The following CRYBB3 variants were observed in gnomAD, a reference collection of about 807,000 sequenced individuals.
CRYBB3 encodes the protein crystallin beta B3.
CRYBB3 carries 35 observed loss-of-function variants against 28.3 expected under a neutral mutation model. That is an observed-to-expected ratio of 1.24 (90% CI 0.95 to 1.64). The LOEUF (loss-of-function observed/expected upper bound fraction) is 1.64, where lower values mean the gene tolerates loss of function less well. Among genes scored for constraint, CRYBB3 ranks in the 40% most tolerant of loss-of-function variants. The pLI, the probability that CRYBB3 is intolerant of heterozygous loss-of-function variation, is 0.00. For missense variants in CRYBB3, 296 were observed against 297.4 expected (o/e 1.00, Z 0.04); for synonymous variants, 106 against 110.4 (o/e 0.96, Z 0.25).
At chr22:25,202,497 C>T (rs1934965032) in intron 2 of CRYBB3, among the ~76,000 whole-genome samples, 177 bp from the exon 3 acceptor site, 1 of 152,178 alleles carries the variant, frequency 6.6e-6, no homozygotes, top group Non-Finnish European at 1.5e-5. Flanking sequence ...CATTGAAGTT[C>T]CTGAAGGCGT....
In CRYBB3 at chr22:25,203,820, G is replaced by T; in HGVS notation, c.252G>T (p.Gly84=). 4 of 1,614,192 alleles carry T rather than the reference G, an allele frequency of 2.5e-6. No individual in the cohort carries two copies. The highest frequency in any genetic ancestry group is 3.4e-6 in the Non-Finnish European group (4 of 1,180,032). Residue 84 remains glycine (G), a synonymous_variant, in exon 4 of 6, where the codon GGG becomes GGT. Transcript: ENST00000215855. The part of the protein sequence containing the change: ...FRGEQFVLEK[G]DYPRWDAWSN... ...GGGAGCAGTTTGTTCTGGAGAAGGG[G>T]GATTATCCTCGCTGGGATGCCTGGT...
At chr22:25,205,155 T>TG in intron 4 of CRYBB3, 65 bp from the exon 5 acceptor site, 5 of 1,607,116 alleles carry the variant, frequency 3.1e-6, no homozygotes, top group Non-Finnish European at 4.3e-6. Flanking sequence ...TTCCGGCATC[T>TG]GGAGCCTCCT....
rs1935014791 is a variant in CRYBB3 at position 25,205,337 on chromosome 22, G to A, written c.445G>A (p.Ala149Thr). 1 of 1,614,050 alleles carries A rather than the reference G, an allele frequency of 6.2e-7. No individual in the cohort carries two copies. The highest frequency in any genetic ancestry group is 1.3e-5 in the African/African-American group (1 of 74,918). ...LWAHGFQDRV[A>T]SVRAINGTWV... ...GGCTCATGGCTTCCAGGACCGTGTG[G>A]CGAGTGTCCGTGCCATCAACGGGAC... The change falls in exon 5 of 6, where the codon GCG becomes ACG. Residue 149 changes from alanine (A) to threonine (T), a missense_variant. By Grantham distance (58) the Ala-to-Thr change is moderately conservative. Coordinates refer to ENST00000215855, the MANE Select transcript of CRYBB3 (RefSeq NM_004076.5).
At chr22:25,206,024 G>A (rs933365599) in intron 5 of CRYBB3, among the ~76,000 whole-genome samples, 9 of 152,056 alleles carry the variant, frequency 5.9e-5, no homozygotes, top group African/African-American at 1.7e-4. Context: ...AGGAGAGCAG[G>A]CTTATCACCT....
chr22:25,201,362 T>A lies in CRYBB3; in HGVS notation c.-20-15T>A, dbSNP rs757004750. On this transcript the variant is annotated splice_polypyrimidine_tract_variant and intron_variant, in intron 1 of 5. Coordinates refer to ENST00000215855, the MANE Select transcript of CRYBB3 (RefSeq NM_004076.5). ...CCCGGGTGGATCCAGTGAACCATTTTCTTTTGGTTTGAAGCCAGAGGTGTT... is the reference window on the plus strand; with the variant it reads ...CCCGGGTGGATCCAGTGAACCATTTACTTTTGGTTTGAAGCCAGAGGTGTT... The A allele has an allele frequency of 6.2e-7, 1 of 1,612,016 alleles. No homozygotes were observed. Among genetic ancestry groups the A allele is most frequent in the Non-Finnish European group, 8.5e-7 (1 of 1,178,690 alleles).
At position 25,205,236 on chromosome 22, in the gene CRYBB3, A is replaced by G; in HGVS notation, c.344A>G (p.Lys115Arg). The G allele has an allele frequency of 1.1e-5, 18 of 1,614,012 alleles. No homozygotes were observed. The highest frequency in any genetic ancestry group is 1.5e-5 in the Non-Finnish European group (18 of 1,179,964). The change falls in exon 5 of 6, where the codon AAG becomes AGG. Residue 115 changes from lysine to arginine, a missense_variant. Physicochemically the swap from Lys to Arg is conservative, Grantham distance 26. Transcript: ENST00000215855. ...RPLNIDSPHHKLHLFENPAFS... is the reference protein window; with the variant it reads ...RPLNIDSPHHRLHLFENPAFS... ...TGCCCTCAGGATAGTCCACATCACAAGCTGCATCTGTTTGAGAACCCAGCT... is the reference window on the plus strand; with the variant it reads ...TGCCCTCAGGATAGTCCACATCACAGGCTGCATCTGTTTGAGAACCCAGCT...
In CRYBB3 at chr22:25,200,836, G is replaced by A. The variant is rs1458178962; in HGVS notation, c.-20-541G>A. 3.9e-5 allele frequency among the ~76,000 whole-genome samples: 6 copies of A among 152,110 alleles called. No individual in the cohort carries two copies. In the East Asian group the frequency reaches 1.2e-3, roughly 29 times the overall value. ...TGTCTGTCCACCTCCCGACATATGG[G>A]GTCTCCTGTCCCTCCTGGTCACCCA... On this transcript the variant is annotated intron_variant, in intron 1 of 5. Coordinates refer to ENST00000215855, the MANE Select transcript of CRYBB3 (RefSeq NM_004076.5).
intron 4 of CRYBB3, among the ~76,000 whole-genome samples, chr22:25,204,592 A>G (rs1934999083): frequency 6.6e-6 from 1 of 152,038 alleles, no homozygotes; most frequent in African/African-American, 2.4e-5. Flanking sequence ...TAATTTTTGT[A>G]TTTTTAGTAG....
At chr22:25,206,182 T>C (rs1161540654) in intron 5 of CRYBB3, among the ~76,000 whole-genome samples, 1 of 152,174 alleles carries the variant, frequency 6.6e-6, no homozygotes, top group Non-Finnish European at 1.5e-5. Context: ...TTCAACAATT[T>C]TTTACTGAAC....
At position 25,207,118 on chromosome 22, in the gene CRYBB3, G is replaced by A; in HGVS notation, c.542G>A (p.Trp181Ter). 6.2e-7 allele frequency: 1 copy of A among 1,613,570 alleles called. No homozygotes were observed. Among genetic ancestry groups the A allele is most frequent in the Non-Finnish European group, 8.5e-7 (1 of 1,179,800 alleles). The change falls in exon 6 of 6, where the codon TGG (tryptophan) becomes TAG (stop). Residue 181 changes from tryptophan (W) to a stop codon, truncating the protein, a stop_gained. Coordinates refer to ENST00000215855, the MANE Select transcript of CRYBB3 (RefSeq NM_004076.5). LOFTEE classifies it high-confidence loss of function. ...YVFERGEYRH[W>*]NEWDASQPQL... ...TTTGAGCGGGGCGAGTACCGCCACTGGAATGAGTGGGACGCCAGCCAGCCG... is the reference window on the plus strand; with the variant it reads ...TTTGAGCGGGGCGAGTACCGCCACTAGAATGAGTGGGACGCCAGCCAGCCG...
At chr22:25,201,304 C>G in intron 1 of CRYBB3, 73 bp from the exon 2 acceptor site, 1 of 1,595,624 alleles carries the variant, frequency 6.3e-7, no homozygotes, top group South Asian at 1.1e-5. Context: ...TGTAGCTCAT[C>G]CTGGACTCCA....
At chr22:25,206,116 G>T (rs1935029677) in intron 5 of CRYBB3, among the ~76,000 whole-genome samples, 1 of 152,120 alleles carries the variant, frequency 6.6e-6, no homozygotes, top group Non-Finnish European at 1.5e-5. Context: ...TCACTTGTGG[G>T]CTTGTAATCT....
At position 25,205,243 on chromosome 22, in the gene CRYBB3, T is replaced by A. The variant is rs1415330994; in HGVS notation, c.351T>A (p.His117Gln). 6.2e-7 allele frequency: 1 copy of A among 1,613,934 alleles called. No individual in the cohort carries two copies. The highest frequency in any genetic ancestry group is 1.3e-5 in the African/African-American group (1 of 74,918). ...AGGATAGTCCACATCACAAGCTGCA[T>A]CTGTTTGAGAACCCAGCTTTCAGTG... ...LNIDSPHHKL[H>Q]LFENPAFSGR... The change falls in exon 5 of 6, where the codon CAT becomes CAA. Residue 117 changes from histidine to glutamine, a missense_variant. His to Gln is a conservative substitution (Grantham distance 24). Coordinates refer to ENST00000215855, the MANE Select transcript of CRYBB3 (RefSeq NM_004076.5).
At chr22:25,206,377 C>T (rs1215181084) in intron 5 of CRYBB3, among the ~76,000 whole-genome samples, 1 of 152,100 alleles carries the variant, frequency 6.6e-6, no homozygotes, top group Non-Finnish European at 1.5e-5. Flanking sequence ...AACCCCGTCT[C>T]TACTAAAAAT....
intron 4 of CRYBB3, 134 bp from the exon 5 acceptor site, chr22:25,205,086 C>A: frequency 1.7e-6 from 2 of 1,181,910 alleles, no homozygotes; most frequent in South Asian, 2.6e-5. Flanking sequence ...CTCCTGAGGC[C>A]CTTCCCTCCT....
At chr22:25,200,071 GGGGGTGGA>G (rs1934915732) in intron 1 of CRYBB3, among the ~76,000 whole-genome samples, 162 bp downstream of exon 1, 1 of 152,170 alleles carries the variant, frequency 6.6e-6, no homozygotes, top group African/African-American at 2.4e-5. Context: ...CAGCCCAGCT[GGGGGTGGA>G]ACGAGGGACC....
Position 25,207,344 on chromosome 22 carries a change from G to A in CRYBB3, c.*132G>A. On this transcript the variant is annotated 3_prime_UTR_variant, in exon 6 of 6. Transcript: ENST00000215855. ...AATCTGCTCAATAAAGCCTGGGGTT[G>A]GTCCCCCACCCGCCACGTTCCTCGG... 1.2e-6 allele frequency: 1 copy of A among 812,016 alleles called. No individual in the cohort carries two copies. Among genetic ancestry groups the A allele is most frequent in the Non-Finnish European group, 1.9e-6 (1 of 526,256 alleles). 50.3% of individuals were successfully genotyped at this position (812,016 alleles called of 1,614,324 possible).
intron 1 of CRYBB3, among the ~76,000 whole-genome samples, chr22:25,200,566 G>A (rs1934927640): frequency 6.6e-6 from 1 of 152,114 alleles, no homozygotes; most frequent in Non-Finnish European, 1.5e-5. Flanking sequence ...CTGACAAACA[G>A]AACAGTCCTG....
intron 5 of CRYBB3, among the ~76,000 whole-genome samples, chr22:25,206,727 AAG>A (rs1260207900): frequency 6.6e-6 from 1 of 151,974 alleles, no homozygotes; most frequent in African/African-American, 2.4e-5. Context: ...AAGTGGAAAA[AAG>A]GGGGAAGGAG....
Sources: gnomAD v4.1 joint callset for allele counts (sites outside exome capture counted in the v4.1 genomes callset) on GRCh38, gnomAD v4.1.1 for gene constraint, MANE v1.5 for transcripts, NCBI Gene and HGNC (gene_info 2026-07-23, HGNC 2026-07-21) for gene names.